Variants in APP observed in about 807,000 individuals in gnomAD.
APP encodes amyloid beta precursor protein.
APP carries 31 observed loss-of-function variants against 101.4 expected under a neutral mutation model. The observed-to-expected ratio is 0.31, with a 90% CI of 0.23 to 0.41. The LOEUF is 0.41. Ranked by LOEUF, APP falls within the 10% of genes least tolerant of loss-of-function variation. The pLI, the probability that APP is intolerant of heterozygous loss-of-function variation, is 1.00. For missense variants in APP, 839 were observed against 1,003.7 expected, an observed-to-expected ratio of 0.84 and a Z score of 2.22; for synonymous variants, 366 against 364.4, an observed-to-expected ratio of 1.00 and a Z score of -0.05.
chr21:26,054,143 A>G (rs185705527), intron 3 of APP, among the ~76,000 whole-genome samples: 62 of 152,356 alleles, frequency 4.1e-4, no homozygotes, highest in Admixed American at 9.1e-4. Context: ...TTAATGAATG[A>G]ACAAGTTAAA....
At position 26,090,040 on chromosome 21, in the gene APP, T is replaced by C; in HGVS notation, c.258A>G (p.Val86=). 1 of 1,614,164 alleles carries C rather than the reference T, an allele frequency of 6.2e-7. No homozygotes were observed. The highest frequency in any genetic ancestry group is 8.5e-7 in the Non-Finnish European group (1 of 1,180,018). Residue 86 remains valine (V), a synonymous_variant, in exon 3 of 18, where the codon GTA becomes GTG. Coordinates refer to ENST00000346798, the MANE Select transcript of APP (RefSeq NM_000484.4). ...GGATGGTCACTGGTTGGTTGGCTTCTACCACATTGGTGATCTGCAGTTCAG... is the reference window on the plus strand; with the variant it reads ...GGATGGTCACTGGTTGGTTGGCTTCCACCACATTGGTGATCTGCAGTTCAG... The part of the protein sequence containing the change: ...VYPELQITNV[V]EANQPVTIQN...
At chr21:26,049,901 A>G (rs1285625808) in intron 5 of APP, among the ~76,000 whole-genome samples, 1 of 152,230 alleles carries the variant, frequency 6.6e-6, no homozygotes, top group Non-Finnish European at 1.5e-5. Flanking sequence ...CAGAGTCTAA[A>G]GCATGACTGT....
chr21:26,128,879 C>T (rs963267094), intron 1 of APP, among the ~76,000 whole-genome samples: 1 of 152,064 alleles, frequency 6.6e-6, no homozygotes, highest in Non-Finnish European at 1.5e-5. Context: ...GATGATCAAG[C>T]AAAACTTAAC....
chr21:26,157,228 C>T (rs2063394008), intron 1 of APP, among the ~76,000 whole-genome samples: 1 of 152,090 alleles, frequency 6.6e-6, no homozygotes, highest in Non-Finnish European at 1.5e-5. Flanking sequence ...CACCACCACG[C>T]TCGGCTGATT....
At chr21:26,163,189 C>T (rs2063530620) in intron 1 of APP, among the ~76,000 whole-genome samples, 1 of 123,594 alleles carries the variant, frequency 8.1e-6, no homozygotes, top group Non-Finnish European at 1.6e-5. Context: ...TGCAGTAAGC[C>T]AAGACACGCC....
At chr21:26,127,510 G>A (rs576467107) in intron 1 of APP, among the ~76,000 whole-genome samples, 1 of 152,278 alleles carries the variant, frequency 6.6e-6, no homozygotes, top group South Asian at 2.1e-4. Flanking sequence ...ACCTCTCTAT[G>A]TCTTGTATCT....
intron 1 of APP, among the ~76,000 whole-genome samples, chr21:26,147,934 G>A (rs1317377986): frequency 1.3e-5 from 2 of 150,982 alleles, no homozygotes; most frequent in African/African-American, 4.9e-5. Context: ...TGAAATTTAA[G>A]AGCCACCTGA....
At chr21:26,034,326 G>A (rs2044988882) in intron 5 of APP, among the ~76,000 whole-genome samples, 1 of 152,136 alleles carries the variant, frequency 6.6e-6, no homozygotes, top group South Asian at 2.1e-4. Flanking sequence ...CATTGTTGCT[G>A]ATTAGTCTCT....
At chr21:26,137,592 T>C (rs2830083) in intron 1 of APP, among the ~76,000 whole-genome samples, 14,793 of 152,130 alleles carry the variant, frequency 0.097, 920 homozygotes, top group Admixed American at 0.15. Context: ...CACTGGGAGT[T>C]AGAAATGACC....
chr21:26,053,424 G>C, intron 3 of APP, 76 bp from the exon 4 acceptor site: 1 of 1,099,096 alleles, frequency 9.1e-7, no homozygotes. Flanking sequence ...ATCAAGGAAA[G>C]ATAGACTTCA....
intron 5 of APP, among the ~76,000 whole-genome samples, chr21:26,048,624 G>A (rs1399135563): frequency 1.3e-5 from 2 of 152,064 alleles, no homozygotes; most frequent in African/African-American, 2.4e-5. Context: ...CTATGTGCAA[G>A]ACATACCAGA....
intron 11 of APP, among the ~76,000 whole-genome samples, chr21:25,956,392 G>A (rs1396074589): frequency 6.6e-6 from 1 of 152,078 alleles, no homozygotes. Flanking sequence ...CGTCTTAAGT[G>A]CTCCTATTTT....
At chr21:26,064,320 T>C (rs2046376732) in intron 3 of APP, among the ~76,000 whole-genome samples, 1 of 152,204 alleles carries the variant, frequency 6.6e-6, no homozygotes, top group South Asian at 2.1e-4. Flanking sequence ...ATATAAGATG[T>C]TAACAATAGG....
intron 6 of APP, among the ~76,000 whole-genome samples, chr21:26,018,507 G>A (rs1323808556): frequency 1.3e-5 from 2 of 152,224 alleles, no homozygotes; most frequent in East Asian, 1.9e-4. Context: ...AGGACTCTTT[G>A]CAGCTGACCC....
intron 11 of APP, among the ~76,000 whole-genome samples, chr21:25,955,996 C>T (rs1456414846): frequency 2.0e-5 from 3 of 152,160 alleles, no homozygotes; most frequent in Non-Finnish European, 4.4e-5. Flanking sequence ...GATGACTGTC[C>T]TCCTTACTCA....
In APP at chr21:26,118,900, A is replaced by G. The variant is rs561789053; in HGVS notation, c.58-6754T>C. Among the ~76,000 whole-genome samples, 163 of 152,296 alleles carry G rather than the reference A, an allele frequency of 1.1e-3. 1 individual carries two copies. The highest frequency in any genetic ancestry group is 3.8e-3 in the African/African-American group (158 of 41,568). ...CACCAAAGGGAAAAAAAAATGAAAA[A>G]AAAATATATATATAGTATTTGAGAT... On this transcript the variant is annotated intron_variant, in intron 1 of 17. Transcript: ENST00000346798.
chr21:26,006,792 C>T (rs1007603712), intron 6 of APP, among the ~76,000 whole-genome samples: 1 of 152,072 alleles, frequency 6.6e-6, no homozygotes, highest in African/African-American at 2.4e-5. Flanking sequence ...AATTATAATG[C>T]CTTCTTATGA....
At chr21:26,151,192 G>A (rs2063261950) in intron 1 of APP, among the ~76,000 whole-genome samples, 1 of 152,174 alleles carries the variant, frequency 6.6e-6, no homozygotes. Flanking sequence ...CATAACATCA[G>A]GAGAGACTTT....
chr21:25,968,757 T>C (rs1439904342), intron 11 of APP, among the ~76,000 whole-genome samples: 3 of 152,160 alleles, frequency 2.0e-5, no homozygotes, highest in African/African-American at 4.8e-5. Flanking sequence ...ACAATCCACA[T>C]TGTTTTGGAA....
Sources: gnomAD v4.1 joint callset for allele counts (sites outside exome capture counted in the v4.1 genomes callset) on GRCh38, gnomAD v4.1.1 for gene constraint, MANE v1.5 for transcripts, NCBI Gene and HGNC (gene_info 2026-07-23, HGNC 2026-07-21) for gene names.